The following XRCC5 variants were observed in gnomAD, a reference collection of about 807,000 sequenced individuals.
The protein encoded by XRCC5 is X-ray repair cross complementing 5.
In XRCC5, 12 loss-of-function variants were observed where a neutral mutation model predicts 95.7. That is an observed-to-expected ratio of 0.13 (90% CI 0.08 to 0.20). XRCC5 has a LOEUF of 0.20. Ranked by LOEUF, XRCC5 falls within the 10% of genes least tolerant of loss-of-function variation. The pLI, the probability that XRCC5 is intolerant of heterozygous loss-of-function variation, is 1.00. For missense variants in XRCC5, 595 were observed against 873.9 expected (o/e 0.68, Z 4.02); for synonymous variants, 281 against 290.3 (o/e 0.97, Z 0.33).
At position 216,148,011 on chromosome 2, in the gene XRCC5, C is replaced by T. The variant is rs56380850; in HGVS notation, c.1477-72C>T. The T allele has an allele frequency of 5.9e-4, 869 of 1,483,786 alleles. 8 individuals are homozygous for T. The African/African-American group carries it at 0.01, about 17-fold the overall frequency. The allele number at this position is 1,483,786 out of a possible 1,614,324, so 91.9% of individuals were successfully genotyped here. ...CCCTCCCACACTAAAGATGGAGGAT[C>T]CCTGATCAGAAAATATAAAGAAGCC... On this transcript the variant is annotated intron_variant, in intron 13 of 20. Transcript: ENST00000392132.
At chr2:216,190,015 A>G (rs1023152971) in intron 16 of XRCC5, among the ~76,000 whole-genome samples, 1 of 152,212 alleles carries the variant, frequency 6.6e-6, no homozygotes, top group Non-Finnish European at 1.5e-5. Flanking sequence ...TTCTTGACAA[A>G]TATCAATAGG....
chr2:216,197,458 A>C (rs559294048), intron 19 of XRCC5, among the ~76,000 whole-genome samples: 1 of 151,498 alleles, frequency 6.6e-6, no homozygotes, highest in African/African-American at 2.4e-5. Context: ...GAAAAAAAAA[A>C]AAAAAAAAAA....
At chr2:216,135,972 A>G (rs1240270261) in intron 10 of XRCC5, among the ~76,000 whole-genome samples, 2 of 152,304 alleles carry the variant, frequency 1.3e-5, no homozygotes, top group Non-Finnish European at 2.9e-5. Context: ...TGAACAGTTC[A>G]TACTGAACAG....
chr2:216,168,311 G>A (rs1003952946), intron 16 of XRCC5, among the ~76,000 whole-genome samples: 1 of 152,014 alleles, frequency 6.6e-6, no homozygotes, highest in Non-Finnish European at 1.5e-5. Flanking sequence ...CTTTTTACTG[G>A]TTGTGTATAT....
chr2:216,197,705 A>G (rs911070324), intron 19 of XRCC5, among the ~76,000 whole-genome samples: 2 of 152,202 alleles, frequency 1.3e-5, no homozygotes, highest in African/African-American at 4.8e-5. Context: ...AAATGTATTG[A>G]GTACCACCAG....
At chr2:216,132,765 T>C (rs1697014677) in intron 10 of XRCC5, among the ~76,000 whole-genome samples, 1 of 152,192 alleles carries the variant, frequency 6.6e-6, no homozygotes, top group Non-Finnish European at 1.5e-5. Flanking sequence ...GTCTTTTCTC[T>C]ATTCCTCTCT....
intron 10 of XRCC5, among the ~76,000 whole-genome samples, chr2:216,135,579 C>G (rs1697061556): frequency 6.6e-6 from 1 of 152,122 alleles, no homozygotes; most frequent in African/African-American, 2.4e-5. Flanking sequence ...AGGTGGATCA[C>G]TTGAGGTCAG....
intron 10 of XRCC5, among the ~76,000 whole-genome samples, chr2:216,134,301 G>C (rs1385532624): frequency 6.6e-6 from 1 of 152,080 alleles, no homozygotes; most frequent in Non-Finnish European, 1.5e-5. Context: ...GATTTGCACT[G>C]TGTGTAGAAA....
chr2:216,140,528 G>A (rs1266819044), intron 12 of XRCC5, among the ~76,000 whole-genome samples: 1 of 152,144 alleles, frequency 6.6e-6, no homozygotes, highest in Admixed American at 6.5e-5. Context: ...ATTAGTATTA[G>A]GAGAGACCTA....
At chr2:216,162,364 CT>C in intron 16 of XRCC5, among the ~76,000 whole-genome samples, 1 of 151,934 alleles carries the variant, frequency 6.6e-6, no homozygotes, top group Non-Finnish European at 1.5e-5. Context: ...AAATAAAACA[CT>C]TTTATGTCAC....
intron 19 of XRCC5, among the ~76,000 whole-genome samples, chr2:216,200,318 G>A (rs1268720280): frequency 6.6e-6 from 1 of 152,126 alleles, no homozygotes; most frequent in African/African-American, 2.4e-5. Flanking sequence ...GAAGACAAAG[G>A]TTAAGAATCA....
At chr2:216,177,226 A>G (rs1039064263) in intron 16 of XRCC5, among the ~76,000 whole-genome samples, 1 of 152,164 alleles carries the variant, frequency 6.6e-6, no homozygotes, top group Non-Finnish European at 1.5e-5. Flanking sequence ...AGTTTGTTCA[A>G]ATCTGTCTTT....
chr2:216,157,692 GTA>G (rs1220168294), intron 14 of XRCC5, among the ~76,000 whole-genome samples: 1 of 152,152 alleles, frequency 6.6e-6, no homozygotes, highest in African/African-American at 2.4e-5. Flanking sequence ...CTGATATATA[GTA>G]CATATTCAGT....
chr2:216,190,417 A>C (rs1044660287), intron 17 of XRCC5, 83 bp downstream of exon 17: 8 of 1,217,942 alleles, frequency 6.6e-6, no homozygotes, highest in South Asian at 1.3e-5. Flanking sequence ...CCTGGAAATG[A>C]GTCTGGGCCG....
In XRCC5 at chr2:216,141,182, T is replaced by G. The variant is rs571152583; in HGVS notation, c.1343-4T>G. On this transcript the variant is annotated splice_polypyrimidine_tract_variant and splice_region_variant and intron_variant, in intron 12 of 20. Coordinates refer to ENST00000392132, the MANE Select transcript of XRCC5 (RefSeq NM_021141.4). ...TCATTTTTCTTTCGGCTTCTCTGTT[T>G]AAGAGGCACAGTTGAATGCTGTTGA... 240 of 1,613,084 alleles carry G rather than the reference T, an allele frequency of 1.5e-4. 1 individual carries two copies. The highest frequency in any genetic ancestry group is 6.6e-4 in the Middle Eastern group (4 of 6,050).
At chr2:216,142,706 G>C (rs1055360574) in intron 13 of XRCC5, among the ~76,000 whole-genome samples, 1 of 152,218 alleles carries the variant, frequency 6.6e-6, no homozygotes, top group African/African-American at 2.4e-5. Context: ...AGAGACCACA[G>C]ATTCTCCCTT....
rs780992828 is a variant in XRCC5, at chr2:216,130,880, C to T, written c.943C>T (p.Arg315Cys). 6.2e-7 allele frequency: 1 copy of T among 1,604,306 alleles called. No individual in the cohort carries two copies. The highest frequency in any genetic ancestry group is 8.5e-7 in the Non-Finnish European group (1 of 1,176,390). Reference protein sequence around the residue: ...VLKEDIIQGFRYGSDIVPFSK... With the variant: ...VLKEDIIQGFCYGSDIVPFSK... ...GCTCTTCTCTTTTTCTCCAGGGTTC[C>T]GCTATGGAAGTGATATAGTTCCTTT... Residue 315 changes from arginine (R) to cysteine (C), a missense_variant, in exon 9 of 21, where the codon CGC (arginine) becomes TGC (cysteine). Physicochemically the swap from Arg to Cys is radical, Grantham distance 180. Transcript: ENST00000392132.
intron 5 of XRCC5, among the ~76,000 whole-genome samples, chr2:216,119,538 T>TC (rs1696770147): frequency 6.6e-6 from 1 of 152,180 alleles, no homozygotes; most frequent in Non-Finnish European, 1.5e-5. Flanking sequence ...TTTTTTTTTT[T>TC]CTTAAACAGC....
At chr2:216,115,241 T>A (rs1696671930) in intron 2 of XRCC5, among the ~76,000 whole-genome samples, 2 of 152,232 alleles carry the variant, frequency 1.3e-5, no homozygotes, top group Non-Finnish European at 2.9e-5. Context: ...TTTCTCTGGA[T>A]AACTGCCGAC....
Sources: allele counts gnomAD v4.1 joint callset (sites outside exome capture counted in the v4.1 genomes callset), GRCh38; gene constraint gnomAD v4.1.1; transcripts MANE v1.5; gene names NCBI Gene and HGNC (gene_info 2026-07-23, HGNC 2026-07-21).